Variants in POC5 observed in about 807,000 individuals in gnomAD.
POC5 encodes the protein POC5 centriolar protein.
A neutral mutation model predicts 62.9 loss-of-function variants in POC5; 48 were observed. The ratio of observed to expected loss-of-function variants is 0.76; its 90% CI spans 0.61 to 0.97. The LOEUF is 0.97. Among genes scored for constraint, POC5 ranks in the 50% least tolerant of loss-of-function variants. POC5 has a pLI of 0.00. For missense variants in POC5, 696 were observed against 679.5 expected (o/e 1.02, Z -0.27); for synonymous variants, 236 against 228.2 (o/e 1.03, Z -0.31).
At chr5:75,692,989 A>G (rs1238234471) in intron 6 of POC5, among the ~76,000 whole-genome samples, 1 of 148,634 alleles carries the variant, frequency 6.7e-6, no homozygotes, top group Non-Finnish European at 1.5e-5. Context: ...TAATAGTTAT[A>G]TATGTAACTA....
chr5:75,702,342 CAA>C (rs1776922479), intron 5 of POC5, among the ~76,000 whole-genome samples: 1 of 151,900 alleles, frequency 6.6e-6, no homozygotes, highest in Non-Finnish European at 1.5e-5. Context: ...AACAAACAAA[CAA>C]GAGTCAAAAA....
rs201857837 is a variant in POC5 at position 75,712,915 on chromosome 5, T to C, written c.23A>G (p.Tyr8Cys). Reference protein sequence around the residue: MSSDEEKYSLPVVQNDSS... With the variant: MSSDEEKCSLPVVQNDSS... Reference sequence around the variant, plus strand: ...GTCATTTTGCACAACTGGAAGTGAGTATTTCTCCTCATCTGATGACATTCT... The same window carrying C: ...GTCATTTTGCACAACTGGAAGTGAGCATTTCTCCTCATCTGATGACATTCT... The change falls in exon 2 of 12, where the codon TAC becomes TGC. Residue 8 changes from tyrosine to cysteine, a missense_variant. Transcript: ENST00000428202. The C allele has an allele frequency of 4.0e-5, 65 of 1,612,364 alleles. No individual in the cohort carries two copies. Among genetic ancestry groups the C allele is most frequent in the East Asian group, 2.0e-4 (9 of 44,844 alleles).
At chr5:75,712,230 A>C in intron 2 of POC5, 1 of 1,070,544 alleles carries the variant, frequency 9.3e-7, no homozygotes, top group Non-Finnish European at 1.4e-6. Context: ...ATACAACTGT[A>C]AAATTTAAGA....
At chr5:75,683,372 T>G (rs528646150) in intron 10 of POC5, among the ~76,000 whole-genome samples, 4 of 151,954 alleles carry the variant, frequency 2.6e-5, no homozygotes, top group Non-Finnish European at 5.9e-5. Flanking sequence ...TAGCTGGGAT[T>G]ACAGGTGCCC....
At chr5:75,698,800 A>G (rs1776726143) in intron 5 of POC5, among the ~76,000 whole-genome samples, 1 of 152,174 alleles carries the variant, frequency 6.6e-6, no homozygotes, top group African/African-American at 2.4e-5. Flanking sequence ...GAAAGGATGA[A>G]CAAAATTGAT....
intron 5 of POC5, among the ~76,000 whole-genome samples, chr5:75,698,859 G>C (rs1450839160): frequency 6.6e-6 from 1 of 152,096 alleles, no homozygotes; most frequent in Non-Finnish European, 1.5e-5. Flanking sequence ...GAATCAAATA[G>C]ATGCAATAAA....
In POC5 at chr5:75,701,186, CA is replaced by C. The variant is rs934799478; in HGVS notation, c.513+1418del. On this transcript the variant is annotated intron_variant, in intron 5 of 11. Transcript: ENST00000428202. ...GCGATTCCTCAGGGATCTAGAACTA[CA>C]AATACCATTTGACCCAGCCATCCCA... Among the ~76,000 whole-genome samples, 4 of 126,212 alleles carry C rather than the reference CA, an allele frequency of 3.2e-5. 1 individual carries two copies. Among genetic ancestry groups the C allele is most frequent in the Non-Finnish European group, 7.3e-5 (4 of 54,574 alleles). 82.8% of individuals were successfully genotyped at this position (126,212 alleles called of 152,430 possible). A position where few individuals can be genotyped will look rare whatever the true frequency, so the allele number is the denominator to read the frequency against.
chr5:75,701,738 A>T lies in POC5; in HGVS notation c.513+867T>A, dbSNP rs535561262. 6.6e-5 allele frequency among the ~76,000 whole-genome samples: 10 copies of T among 152,068 alleles called. No individual in the cohort carries two copies. The South Asian group carries it at 2.1e-3, about 32-fold the overall frequency. ...AGTATAATAATAATAAAAATAAATAAATAAATAAATAAATAAAACCCACTT... is the reference window on the plus strand; with the variant it reads ...AGTATAATAATAATAAAAATAAATATATAAATAAATAAATAAAACCCACTT... On this transcript the variant is annotated intron_variant, in intron 5 of 11. Transcript: ENST00000428202.
chr5:75,710,043 T>C (rs1300697057), intron 2 of POC5, among the ~76,000 whole-genome samples: 1 of 152,198 alleles, frequency 6.6e-6, no homozygotes, highest in African/African-American at 2.4e-5. Flanking sequence ...TGCTTCCTGC[T>C]GGTCCCCTCT....
intron 10 of POC5, among the ~76,000 whole-genome samples, chr5:75,681,324 A>G (rs253389): frequency 0.75 from 114,772 of 152,022 alleles, 43,549 homozygotes; most frequent in East Asian, 0.87. Flanking sequence ...CTTTCTATTC[A>G]AATGAAGAGG....
chr5:75,676,962 A>G (rs956186866), intron 11 of POC5, among the ~76,000 whole-genome samples: 2 of 152,196 alleles, frequency 1.3e-5, no homozygotes, highest in Non-Finnish European at 2.9e-5. Context: ...GAAATAATTC[A>G]GAGATATCTC....
intron 7 of POC5, among the ~76,000 whole-genome samples, chr5:75,690,775 C>T (rs780242514): frequency 1.3e-5 from 2 of 152,212 alleles, no homozygotes; most frequent in African/African-American, 4.8e-5. Context: ...CCAGACTTGC[C>T]TGACTCCAGA....
intron 11 of POC5, among the ~76,000 whole-genome samples, chr5:75,676,845 A>AAAAT (rs145760718): frequency 1.6e-3 from 247 of 149,774 alleles, no homozygotes; most frequent in Non-Finnish European, 2.4e-3. Context: ...AAATAAATAA[A>AAAAT]AAATAAATAA....
intron 2 of POC5, among the ~76,000 whole-genome samples, chr5:75,709,159 A>G (rs1285572793): frequency 6.6e-6 from 1 of 152,186 alleles, no homozygotes; most frequent in Non-Finnish European, 1.5e-5. Flanking sequence ...AGATACTTAC[A>G]CGCAGTAAAC....
At chr5:75,701,461 A>T (rs1246723433) in intron 5 of POC5, among the ~76,000 whole-genome samples, 1 of 138,662 alleles carries the variant, frequency 7.2e-6, no homozygotes, top group Admixed American at 7.3e-5. Flanking sequence ...TCAGTAAACT[A>T]TCGCAAGAAC....
chr5:75,694,263 T>C (rs940189444), intron 6 of POC5, among the ~76,000 whole-genome samples: 9 of 152,210 alleles, frequency 5.9e-5, no homozygotes, highest in African/African-American at 2.2e-4. Flanking sequence ...TAATGCTCGT[T>C]CCTTCACGTT....
chr5:75,700,087 G>T (rs570556636), intron 5 of POC5, among the ~76,000 whole-genome samples: 1 of 152,074 alleles, frequency 6.6e-6, no homozygotes, highest in East Asian at 1.9e-4. Flanking sequence ...ACAAATGGAA[G>T]AACATTCCAT....
chr5:75,694,859 G>A, intron 5 of POC5, 28 bp from the exon 6 acceptor site: 2 of 1,433,928 alleles, frequency 1.4e-6, no homozygotes, highest in Non-Finnish European at 1.9e-6. Context: ...TGACAATTAA[G>A]TAGTTTGTTC....
intron 6 of POC5, among the ~76,000 whole-genome samples, chr5:75,694,258 C>T (rs1380363955): frequency 1.3e-5 from 2 of 152,084 alleles, no homozygotes; most frequent in Non-Finnish European, 2.9e-5. Flanking sequence ...GTAGATAATG[C>T]TCGTTCCTTC....
Sources: allele counts gnomAD v4.1 joint callset (sites outside exome capture counted in the v4.1 genomes callset), GRCh38; gene constraint gnomAD v4.1.1; transcripts MANE v1.5; gene names NCBI Gene and HGNC (gene_info 2026-07-23, HGNC 2026-07-21).